The following AGBL4 variants were observed in gnomAD, a reference collection of about 807,000 sequenced individuals.
AGBL4 encodes the protein AGBL carboxypeptidase 4.
In AGBL4, 58 loss-of-function variants were observed where a neutral mutation model predicts 66.4. The observed-to-expected ratio is 0.87, with a 90% CI of 0.71 to 1.09. The LOEUF (loss-of-function observed/expected upper bound fraction) is 1.09. Ranked by LOEUF, AGBL4 falls within the 50% of genes least tolerant of loss-of-function variation. AGBL4 has a pLI of 0.00. For missense variants in AGBL4, 579 were observed against 631.0 expected (o/e 0.92, Z 0.88); for synonymous variants, 234 against 222.9 (o/e 1.05, Z -0.44).
chr1:49,536,936 G>T (rs1651636404), intron 3 of AGBL4, among the ~76,000 whole-genome samples: 1 of 151,868 alleles, frequency 6.6e-6, no homozygotes, highest in South Asian at 2.1e-4. Context: ...AAACCCGGGA[G>T]CTGGAAGTTG....
At chr1:48,999,765 G>C (rs1661270375) in intron 5 of AGBL4, among the ~76,000 whole-genome samples, 1 of 152,058 alleles carries the variant, frequency 6.6e-6, no homozygotes, top group African/African-American at 2.4e-5. Context: ...GATTAAGACT[G>C]TCTATGCTTT....
At chr1:49,845,426 G>A (rs1350578413) in intron 2 of AGBL4, 2 of 1,425,980 alleles carry the variant, frequency 1.4e-6, no homozygotes, top group African/African-American at 1.4e-5. Flanking sequence ...TGCAACAAGT[G>A]TGGGAAAGCC....
intron 5 of AGBL4, among the ~76,000 whole-genome samples, chr1:48,952,016 T>C (rs1473490974): frequency 6.6e-6 from 1 of 152,218 alleles, no homozygotes; most frequent in African/African-American, 2.4e-5. Flanking sequence ...AAGCTGAAGC[T>C]AAGTTTTGTC....
intron 5 of AGBL4, among the ~76,000 whole-genome samples, chr1:49,026,636 T>C (rs1161861855): frequency 1.3e-5 from 2 of 152,202 alleles, no homozygotes; most frequent in South Asian, 2.1e-4. Flanking sequence ...TTAGGCATGG[T>C]CCCTGTCCTC....
chr1:49,563,125 T>A (rs1267974934), intron 3 of AGBL4, among the ~76,000 whole-genome samples: 2 of 152,058 alleles, frequency 1.3e-5, no homozygotes, highest in East Asian at 3.9e-4. Context: ...GTTATTGGTG[T>A]ATAAGAATGC....
At chr1:49,792,851 A>G (rs1180587330) in intron 2 of AGBL4, among the ~76,000 whole-genome samples, 2 of 152,052 alleles carry the variant, frequency 1.3e-5, no homozygotes, top group Non-Finnish European at 2.9e-5. Context: ...TTAAGCTTTA[A>G]GTCAAGTAAT....
At chr1:49,446,550 A>C (rs1646160866) in intron 3 of AGBL4, among the ~76,000 whole-genome samples, 1 of 152,164 alleles carries the variant, frequency 6.6e-6, no homozygotes, top group African/African-American at 2.4e-5. Flanking sequence ...GGAAAGCCAG[A>C]TGGACCAGTA....
At position 49,841,595 on chromosome 1, in the gene AGBL4, C is replaced by T. The variant is rs185514109; in HGVS notation, c.157+9801G>A. ...TCATACTATCTAACTTCAAACTATA[C>T]TCTAAGGCTACAGTAACCGAAACAG... On this transcript the variant is annotated intron_variant, in intron 2 of 13. Coordinates refer to ENST00000371839, the MANE Select transcript of AGBL4 (RefSeq NM_032785.4). 1.3e-4 allele frequency among the ~76,000 whole-genome samples: 20 copies of T among 152,196 alleles called. No individual in the cohort carries two copies. The East Asian group carries it at 3.1e-3, about 24-fold the overall frequency.
chr1:49,072,951 T>C (rs1644638732), intron 4 of AGBL4, among the ~76,000 whole-genome samples: 1 of 152,026 alleles, frequency 6.6e-6, no homozygotes, highest in African/African-American at 2.4e-5. Flanking sequence ...CTTTTCACTC[T>C]TTTTTTTATC....
chr1:48,821,963 T>C (rs952802157), intron 6 of AGBL4, among the ~76,000 whole-genome samples: 4 of 152,110 alleles, frequency 2.6e-5, no homozygotes, highest in African/African-American at 9.7e-5. Flanking sequence ...CATGAAAAAG[T>C]GTTGAACATC....
intron 1 of AGBL4, among the ~76,000 whole-genome samples, chr1:49,955,788 G>C (rs200872922): frequency 6.3e-4 from 95 of 151,858 alleles, no homozygotes; most frequent in East Asian, 3.5e-3. Context: ...ACTGCCCCCA[G>C]ATAAGTGTGC....
At chr1:48,782,617 A>C (rs2148720136) in intron 6 of AGBL4, among the ~76,000 whole-genome samples, 1 of 152,306 alleles carries the variant, frequency 6.6e-6, no homozygotes, top group East Asian at 1.9e-4. Flanking sequence ...AGACTTTTTA[A>C]ATAGTAGTTT....
intron 1 of AGBL4, among the ~76,000 whole-genome samples, chr1:49,957,561 T>A (rs1656725163): frequency 6.6e-6 from 1 of 152,016 alleles, no homozygotes; most frequent in Non-Finnish European, 1.5e-5. Context: ...GGTGCATATA[T>A]ATTTAGGATA....
intron 3 of AGBL4, 157 bp downstream of exon 3, chr1:49,697,156 T>C: frequency 2.8e-6 from 2 of 719,552 alleles, no homozygotes; most frequent in Non-Finnish European, 2.1e-6. Flanking sequence ...ACATATTGTA[T>C]CTATTTCTCT....
chr1:48,976,849 A>T, intron 5 of AGBL4, among the ~76,000 whole-genome samples: 1 of 151,660 alleles, frequency 6.6e-6, no homozygotes, highest in East Asian at 2.0e-4. Flanking sequence ...TCCCACCTAA[A>T]GTTGCAACAC....
At chr1:48,800,491 T>C (rs920291668) in intron 6 of AGBL4, among the ~76,000 whole-genome samples, 7 of 152,200 alleles carry the variant, frequency 4.6e-5, no homozygotes, top group African/African-American at 1.7e-4. Flanking sequence ...TGTTTCAATG[T>C]CATTTAGTTC....
chr1:49,137,276 GAC>G (rs1646030081), intron 4 of AGBL4, among the ~76,000 whole-genome samples: 1 of 152,092 alleles, frequency 6.6e-6, no homozygotes, highest in African/African-American at 2.4e-5. Flanking sequence ...CTATTAACAT[GAC>G]ACAAAACCAT....
intron 5 of AGBL4, among the ~76,000 whole-genome samples, chr1:49,041,007 G>A (rs1479978668): frequency 6.6e-6 from 1 of 152,022 alleles, no homozygotes; most frequent in Admixed American, 6.6e-5. Context: ...GCAGATCACG[G>A]TTTTAAATAC....
chr1:49,544,716 G>C (rs1652341057), intron 3 of AGBL4, among the ~76,000 whole-genome samples: 1 of 152,202 alleles, frequency 6.6e-6, no homozygotes, highest in Non-Finnish European at 1.5e-5. Flanking sequence ...AGAAAACTGA[G>C]GTTCAGATTA....
Sources: gnomAD v4.1 joint callset for allele counts (sites outside exome capture counted in the v4.1 genomes callset) on GRCh38, gnomAD v4.1.1 for gene constraint, MANE v1.5 for transcripts, NCBI Gene and HGNC (gene_info 2026-07-23, HGNC 2026-07-21) for gene names.